The following BEND5 variants were observed in gnomAD, a reference collection of about 807,000 sequenced individuals.
BEND5 encodes BEN domain-containing protein 5.
Under a neutral mutation model 43.9 loss-of-function variants are expected in BEND5, and 22 were observed. That is an observed-to-expected ratio of 0.50 (90% CI 0.36 to 0.72). BEND5 has a LOEUF of 0.72. Ranked by LOEUF, BEND5 falls within the 30% of genes least tolerant of loss-of-function variation. The probability of loss-of-function intolerance (pLI) is 0.00; values close to 1 mark genes in which losing one functional copy is unlikely to be tolerated. For missense variants in BEND5, 428 were observed against 550.6 expected, an observed-to-expected ratio of 0.78 and a Z score of 2.23; for synonymous variants, 228 against 225.9, an observed-to-expected ratio of 1.01 and a Z score of -0.08.
rs568840656 is a variant in BEND5 at position 48,769,455 on chromosome 1, G to C, written c.226+7151C>G. On this transcript the variant is annotated intron_variant, in intron 1 of 5. Coordinates refer to ENST00000371833, the MANE Select transcript of BEND5 (RefSeq NM_024603.4). ...TAAATGCCCCCAGGATAGGGTCGCA[G>C]AGGAACAAACAGGGAGGGAAATATT... Among the ~76,000 whole-genome samples, 21 of 151,582 alleles carry C rather than the reference G, an allele frequency of 1.4e-4. 1 individual carries two copies. In the South Asian group the frequency reaches 4.0e-3, roughly 29 times the overall value.
intron 5 of BEND5, among the ~76,000 whole-genome samples, chr1:48,734,281 G>A (rs573110113): frequency 6.6e-6 from 1 of 152,310 alleles, no homozygotes; most frequent in East Asian, 1.9e-4. Flanking sequence ...TCTAGGCTCT[G>A]AAACCTTATA....
At chr1:48,741,971 A>G (rs2148595046) in intron 4 of BEND5, among the ~76,000 whole-genome samples, 1 of 152,210 alleles carries the variant, frequency 6.6e-6, no homozygotes, top group East Asian at 1.9e-4. Context: ...TGTGACTTTA[A>G]GATTTTTCAC....
intron 3 of BEND5, among the ~76,000 whole-genome samples, chr1:48,747,519 T>C (rs1215297120): frequency 6.6e-6 from 1 of 152,216 alleles, no homozygotes; most frequent in Non-Finnish European, 1.5e-5. Context: ...AGTTCAGATT[T>C]AACATGTGAA....
chr1:48,758,175 A>C (rs1644046105), intron 3 of BEND5, among the ~76,000 whole-genome samples: 1 of 152,174 alleles, frequency 6.6e-6, no homozygotes, highest in South Asian at 2.1e-4. Flanking sequence ...CTTTATATTC[A>C]TCTTCCTAAG....
Position 48,759,237 on chromosome 1 carries a change from C to T in BEND5, c.408G>A (p.Glu136=), listed in dbSNP as rs1644124473. 6.3e-7 allele frequency: 1 copy of T among 1,592,840 alleles called. No homozygotes were observed. The highest frequency in any genetic ancestry group is 8.6e-7 in the Non-Finnish European group (1 of 1,169,244). ...KPSEVAHKSI[E]AVVARLEKQN... Reference sequence around the variant, plus strand: ...GCTTCTCTAGCCGAGCCACCACTGCCTCGATGCTCTTGTGCGCCACTTCGC... The same window carrying T: ...GCTTCTCTAGCCGAGCCACCACTGCTTCGATGCTCTTGTGCGCCACTTCGC... The change falls in exon 3 of 6, where the codon GAG becomes GAA. Residue 136 remains glutamate (E), a synonymous_variant. Coordinates refer to ENST00000371833, the MANE Select transcript of BEND5 (RefSeq NM_024603.4).
rs1647389093 is a variant in BEND5 at position 48,727,699 on chromosome 1, G to C, written c.*187C>G. 2.4e-6 allele frequency: 1 copy of C among 417,396 alleles called. No homozygotes were observed. Among genetic ancestry groups the C allele is most frequent in the Non-Finnish European group, 4.2e-6 (1 of 237,724 alleles). 25.9% of individuals were successfully genotyped at this position (417,396 alleles called of 1,614,324 possible). A position where few individuals can be genotyped will look rare whatever the true frequency, so the allele number is the denominator to read the frequency against. On this transcript the variant is annotated 3_prime_UTR_variant, in exon 6 of 6. Coordinates refer to ENST00000371833, the MANE Select transcript of BEND5 (RefSeq NM_024603.4). Reference sequence around the variant, plus strand: ...AGGACACCAGTGCCAGGCTGCTCCTGAGTCTCAGCAAAGCCATCTGTCGTC... The same window carrying C: ...AGGACACCAGTGCCAGGCTGCTCCTCAGTCTCAGCAAAGCCATCTGTCGTC...
chr1:48,745,446 A>G (rs193219286), intron 3 of BEND5, among the ~76,000 whole-genome samples: 1 of 152,318 alleles, frequency 6.6e-6, no homozygotes, highest in East Asian at 1.9e-4. Flanking sequence ...AACGGACATC[A>G]GAGGGAGCAG....
intron 1 of BEND5, among the ~76,000 whole-genome samples, chr1:48,762,355 TTG>T (rs2148664495): frequency 6.6e-6 from 1 of 152,368 alleles, no homozygotes; most frequent in African/African-American, 2.4e-5. Flanking sequence ...CTTTCCAGAT[TTG>T]TCTCTCACTG....
At chr1:48,745,458 G>T (rs1241428775) in intron 3 of BEND5, among the ~76,000 whole-genome samples, 2 of 152,104 alleles carry the variant, frequency 1.3e-5, no homozygotes, top group African/African-American at 4.8e-5. Context: ...AGGGAGCAGG[G>T]GTTGAAAGAG....
chr1:48,734,501 A>G (rs1396275152), intron 5 of BEND5, among the ~76,000 whole-genome samples: 3 of 152,100 alleles, frequency 2.0e-5, no homozygotes, highest in African/African-American at 7.2e-5. Context: ...CTTTGACTCC[A>G]GCAAATCCAA....
intron 3 of BEND5, among the ~76,000 whole-genome samples, chr1:48,749,728 T>C (rs1651360012): frequency 6.6e-6 from 1 of 152,208 alleles, no homozygotes; most frequent in Non-Finnish European, 1.5e-5. Flanking sequence ...GAACTTATCC[T>C]CTGGTGGCCA....
intron 1 of BEND5, among the ~76,000 whole-genome samples, chr1:48,770,621 C>A (rs990320962): frequency 3.3e-5 from 5 of 152,220 alleles, no homozygotes; most frequent in Non-Finnish European, 5.9e-5. Context: ...CCTCAGACCA[C>A]ATGCCTACTT....
intron 1 of BEND5, among the ~76,000 whole-genome samples, chr1:48,769,264 G>A (rs1052390734): frequency 1.3e-5 from 2 of 152,122 alleles, no homozygotes; most frequent in African/African-American, 4.8e-5. Flanking sequence ...CACATAGGGA[G>A]AGAAGGAATT....
chr1:48,765,011 C>T (rs1261102852), intron 1 of BEND5, among the ~76,000 whole-genome samples: 2 of 152,180 alleles, frequency 1.3e-5, no homozygotes, highest in African/African-American at 4.8e-5. Flanking sequence ...AGGCTCTAAG[C>T]TCTTCCATCT....
At chr1:48,732,752 T>G (rs1648347417) in intron 5 of BEND5, among the ~76,000 whole-genome samples, 2 of 152,078 alleles carry the variant, frequency 1.3e-5, no homozygotes, top group African/African-American at 4.8e-5. Flanking sequence ...GGAGTACAGA[T>G]TTCAACCCAA....
chr1:48,761,502 C>A (rs577534756), intron 1 of BEND5, 32 bp from the exon 2 acceptor site: 2 of 1,543,328 alleles, frequency 1.3e-6, no homozygotes, highest in East Asian at 2.4e-5. Flanking sequence ...CAAGGTTCAT[C>A]ATGAGTTAAA....
At chr1:48,750,690 T>A (rs541114210) in intron 3 of BEND5, among the ~76,000 whole-genome samples, 1 of 152,212 alleles carries the variant, frequency 6.6e-6, no homozygotes, top group African/African-American at 2.4e-5. Flanking sequence ...CACAAAAACA[T>A]TTCCCTACGG....
chr1:48,764,714 A>G (rs972451873), intron 1 of BEND5, among the ~76,000 whole-genome samples: 1 of 152,260 alleles, frequency 6.6e-6, no homozygotes, highest in Admixed American at 6.5e-5. Context: ...ATGTCAGGCA[A>G]GCTGCTACCT....
In BEND5 at chr1:48,752,790, G is replaced by A. The variant is rs572943450; in HGVS notation, c.745+6110C>T. Among the ~76,000 whole-genome samples, 567 of 151,462 alleles carry A rather than the reference G, an allele frequency of 3.7e-3. 2 individuals carry two copies. The highest frequency in any genetic ancestry group is 0.011 in the African/African-American group (472 of 41,220). On this transcript the variant is annotated intron_variant, in intron 3 of 5. Transcript: ENST00000371833. ...TTTTTGGACAGAGTCTCGCTCTGTC[G>A]CCAGGCTGGAGTGCAGTGGCATGAT... is the stretch of plus-strand genomic sequence containing the variant.
Sources: allele counts gnomAD v4.1 joint callset (sites outside exome capture counted in the v4.1 genomes callset), GRCh38; gene constraint gnomAD v4.1.1; transcripts MANE v1.5; gene names NCBI Gene and HGNC (gene_info 2026-07-23, HGNC 2026-07-21).